CPSF6: variants seen among roughly 807,000 people sequenced by gnomAD.
CPSF6 encodes the protein cleavage and polyadenylation specificity factor subunit 6.
CPSF6 carries 10 observed loss-of-function variants against 56.7 expected under a neutral mutation model. The observed-to-expected ratio is 0.18, with a 90% CI of 0.11 to 0.30. The LOEUF is 0.30. Ranked by LOEUF, CPSF6 falls within the 10% of genes least tolerant of loss-of-function variation. The pLI is 1.00. For synonymous variants in CPSF6, 248 were observed against 244.8 expected (o/e 1.01, Z -0.12); for missense variants, 419 against 722.9 (o/e 0.58, Z 4.82).
chr12:69,262,157 G>C (rs1191196118), intron 8 of CPSF6, among the ~76,000 whole-genome samples: 1 of 152,112 alleles, frequency 6.6e-6, no homozygotes, highest in Admixed American at 6.5e-5. Context: ...TGATGTGTCT[G>C]GTTGCTGATT....
chr12:69,249,377 T>C (rs185609622), intron 1 of CPSF6, among the ~76,000 whole-genome samples: 1 of 151,794 alleles, frequency 6.6e-6, no homozygotes, highest in Non-Finnish European at 1.5e-5. Context: ...GCCCATAATA[T>C]CTTGTTGCTC....
chr12:69,247,848 T>C (rs1306960901), intron 1 of CPSF6, among the ~76,000 whole-genome samples: 1 of 152,250 alleles, frequency 6.6e-6, no homozygotes, highest in African/African-American at 2.4e-5. Context: ...GTTTCATTTT[T>C]AGTAATGGCA....
chr12:69,258,004 C>T lies in CPSF6; in HGVS notation c.694+99C>T. ...AGTAATGCATTATTAATGTGACTTA[C>T]TCTCCTTGTTATGCTATTTTTGGAA... On this transcript the variant is annotated intron_variant, in intron 5 of 9. Transcript: ENST00000435070. This position sits in a 1 kb window ranked among gnomAD's most constrained non-coding sequence, Gnocchi z 4.2. 1 of 1,535,156 alleles carries T rather than the reference C, an allele frequency of 6.5e-7. No homozygotes were observed. The highest frequency in any genetic ancestry group is 1.7e-4 in the Middle Eastern group (1 of 5,928).
At position 69,253,602 on chromosome 12, in the gene CPSF6, T is replaced by A. The variant is rs542270414; in HGVS notation, c.374+448T>A. On this transcript the variant is annotated intron_variant, in intron 3 of 9. Transcript: ENST00000435070. The stretch of plus-strand genomic sequence containing the variant: ...ATACAGATATCTAAAAGTAAGAAAA[T>A]AAAATACCACTGTCCTACCATTCAT... Among the ~76,000 whole-genome samples, 133 of 152,216 alleles carry A rather than the reference T, an allele frequency of 8.7e-4. 1 individual carries two copies. Among genetic ancestry groups the A allele is most frequent in the Admixed American group, 7.8e-3 (119 of 15,284 alleles).
At chr12:69,256,189 A>G (rs998721663) in intron 3 of CPSF6, among the ~76,000 whole-genome samples, 3 of 152,156 alleles carry the variant, frequency 2.0e-5, no homozygotes, top group South Asian at 2.1e-4. Context: ...AGAGACAGAA[A>G]TTAGGTTTAG....
At chr12:69,240,532 C>G (rs527675363) in intron 1 of CPSF6, among the ~76,000 whole-genome samples, 1 of 152,076 alleles carries the variant, frequency 6.6e-6, no homozygotes, top group Non-Finnish European at 1.5e-5. Flanking sequence ...GAATTGGAAG[C>G]GCGATGGTTG....
rs1373237873 is a variant in CPSF6 at position 69,273,413 on chromosome 12, T to C, written c.*3905T>C. ...TTCCTGCTGTATTAACATATTGTAATGGAGTCTTTTAAATACTAGGTTGAA... is the reference window on the plus strand; with the variant it reads ...TTCCTGCTGTATTAACATATTGTAACGGAGTCTTTTAAATACTAGGTTGAA... On this transcript the variant is annotated 3_prime_UTR_variant, in exon 10 of 10. Transcript: ENST00000435070. 2.3e-5 allele frequency: 4 copies of C among 171,454 alleles called. No homozygotes were observed. In the Admixed American group the frequency reaches 2.3e-4, roughly 10 times the overall value. 10.6% of individuals were successfully genotyped at this position (171,454 alleles called of 1,614,324 possible). A position where few individuals can be genotyped will look rare whatever the true frequency, so the allele number is the denominator to read the frequency against.
chr12:69,252,755 A>G (rs997235619), intron 2 of CPSF6, among the ~76,000 whole-genome samples: 1 of 152,218 alleles, frequency 6.6e-6, no homozygotes, highest in African/African-American at 2.4e-5. Context: ...ACAATTTAAA[A>G]TCATAGCAGT....
chr12:69,260,287 T>G, intron 8 of CPSF6, 90 bp downstream of exon 8: 4 of 1,006,324 alleles, frequency 4.0e-6, no homozygotes, highest in Non-Finnish European at 5.7e-6. Context: ...AGGACTTTGC[T>G]TTTACTTACT....
intron 3 of CPSF6, among the ~76,000 whole-genome samples, chr12:69,255,699 T>C (rs927269346): frequency 1.3e-5 from 2 of 152,132 alleles, no homozygotes; most frequent in Admixed American, 6.5e-5. Context: ...CCACCATGCC[T>C]GGCTAATTTT....
chr12:69,244,045 C>T (rs1871762150), intron 1 of CPSF6, among the ~76,000 whole-genome samples: 1 of 152,094 alleles, frequency 6.6e-6, no homozygotes, highest in Non-Finnish European at 1.5e-5. Flanking sequence ...TAGTCTCCAG[C>T]TCCTGGGCTC....
At position 69,257,268 on chromosome 12, in the gene CPSF6, G is replaced by T. The variant is rs537028460; in HGVS notation, c.520+426G>T. On this transcript the variant is annotated intron_variant, in intron 4 of 9. Transcript: ENST00000435070. ...AAGACCTTTCACCACTTGGTAAACT[G>T]AATATAGAAAAGATTTGTCATTATA... Among the ~76,000 whole-genome samples, 13 of 152,248 alleles carry T rather than the reference G, an allele frequency of 8.5e-5. No homozygotes were observed. In the East Asian group the frequency reaches 1.3e-3, roughly 16 times the overall value.
intron 3 of CPSF6, among the ~76,000 whole-genome samples, chr12:69,254,484 G>A (rs1051664282): frequency 2.6e-5 from 4 of 152,246 alleles, no homozygotes; most frequent in African/African-American, 7.2e-5. Context: ...CTTGTGCAAA[G>A]TAGCACCTTC....
In CPSF6 at chr12:69,239,693, A is replaced by G; in HGVS notation, c.47A>G (p.Glu16Gly). 1.3e-6 allele frequency: 2 copies of G among 1,590,972 alleles called. No homozygotes were observed. Among genetic ancestry groups the G allele is most frequent in the Non-Finnish European group, 1.7e-6 (2 of 1,169,630 alleles). The change falls in exon 1 of 10, where the codon GAA becomes GGA. Residue 16 changes from glutamate to glycine, a missense_variant. Glu to Gly is a moderately conservative substitution (Grantham distance 98). This residue lies in a region of CPSF6 where 125 missense variants were observed against 216.4 expected (regional missense o/e 0.58). Transcript: ENST00000435070. ...DHIDIYADVG[E>G]EFNQEAEYGG... ...ATAGACATTTACGCGGATGTCGGCG[A>G]AGAGTTCAACCAGGTACGTGAGAGC...
Position 69,259,009 on chromosome 12 carries a change from A to G in CPSF6, c.1114A>G (p.Thr372Ala), listed in dbSNP as rs111909877. 12 of 1,611,316 alleles carry G rather than the reference A, an allele frequency of 7.4e-6. No homozygotes were observed. In the Middle Eastern group the frequency reaches 4.9e-4, roughly 66 times the overall value. Reference protein sequence around the residue: ...FPPPTNSGMPTSDSRGPPPTD... With the variant: ...FPPPTNSGMPASDSRGPPPTD... The stretch of plus-strand genomic sequence containing the variant: ...TCCACCAACTAACAGTGGCATGCCT[A>G]CATCAGATAGCCGAGGTCCACCACC... Residue 372 changes from threonine to alanine, a missense_variant, in exon 6 of 10, where the codon ACA becomes GCA. Physicochemically the swap from Thr to Ala is moderately conservative, Grantham distance 58. Around this residue, in one of 4 missense-constraint regions of CPSF6, gnomAD observed 211 missense variants for 296.0 expected, o/e 0.71. Coordinates refer to ENST00000435070, the MANE Select transcript of CPSF6 (RefSeq NM_007007.3).
intron 1 of CPSF6, among the ~76,000 whole-genome samples, chr12:69,249,844 TTTTCC>T (rs1872140581): frequency 6.6e-6 from 1 of 152,224 alleles, no homozygotes; most frequent in African/African-American, 2.4e-5. Flanking sequence ...TTCATTTTAG[TTTTCC>T]TTTTCCCTGA....
At chr12:69,245,611 G>C (rs1288464291) in intron 1 of CPSF6, among the ~76,000 whole-genome samples, 6 of 152,210 alleles carry the variant, frequency 3.9e-5, no homozygotes, top group African/African-American at 1.4e-4. Context: ...AAGTTTTGTT[G>C]ATCTGGAGAG....
chr12:69,263,346 T>C (rs1436077866), intron 9 of CPSF6, among the ~76,000 whole-genome samples: 1 of 152,114 alleles, frequency 6.6e-6, no homozygotes, highest in East Asian at 1.9e-4. Context: ...TTTAAAACTT[T>C]CTTGTGTACA....
intron 8 of CPSF6, 116 bp from the exon 9 acceptor site, chr12:69,262,257 T>G: frequency 1.5e-6 from 2 of 1,317,496 alleles, no homozygotes; most frequent in Non-Finnish European, 1.0e-6. Flanking sequence ...GATAGTAAGT[T>G]TAAACCAGAT....
Sources: allele counts gnomAD v4.1 joint callset (sites outside exome capture counted in the v4.1 genomes callset), GRCh38; gene constraint gnomAD v4.1.1; regional missense constraint gnomAD v4.1.1; non-coding constraint Gnocchi (gnomAD v3.1); transcripts MANE v1.5; gene names NCBI Gene and HGNC (gene_info 2026-07-23, HGNC 2026-07-21).